MSI2: variants seen among roughly 807,000 people sequenced by gnomAD.
MSI2 encodes the protein musashi RNA binding protein 2.
A neutral mutation model predicts 45.6 loss-of-function variants in MSI2; 17 were observed. The ratio of observed to expected loss-of-function variants is 0.37; its 90% confidence interval spans 0.26 to 0.56. The LOEUF (loss-of-function observed/expected upper bound fraction) is 0.56, where lower values mean the gene tolerates loss of function less well. MSI2 is among the 20% of genes least tolerant of loss of function. MSI2 has a pLI of 0.77. For synonymous variants in MSI2, 156 were observed against 158.2 expected, an observed-to-expected ratio of 0.99 and a Z score of 0.11; for missense variants, 293 against 444.2, an observed-to-expected ratio of 0.66 and a Z score of 3.06.
chr17:57,452,275 C>T (rs1321592769), intron 6 of MSI2, among the ~76,000 whole-genome samples: 1 of 152,250 alleles, frequency 6.6e-6, no homozygotes, highest in Admixed American at 6.5e-5. Flanking sequence ...TCTTCTCCAC[C>T]AGGAGAGCAG....
At chr17:57,316,123 G>A (rs1912829543) in intron 5 of MSI2, among the ~76,000 whole-genome samples, 1 of 151,960 alleles carries the variant, frequency 6.6e-6, no homozygotes, top group African/African-American at 2.4e-5. Flanking sequence ...AATACAACCA[G>A]GTGCCCTCTT....
At chr17:57,315,373 G>A (rs1367616572) in intron 5 of MSI2, among the ~76,000 whole-genome samples, 1 of 151,944 alleles carries the variant, frequency 6.6e-6, no homozygotes, top group African/African-American at 2.4e-5. Context: ...AAGGACCACA[G>A]ACGTGGGGCA....
chr17:57,281,487 C>T (rs761546602), intron 5 of MSI2, among the ~76,000 whole-genome samples: 7 of 152,116 alleles, frequency 4.6e-5, no homozygotes, highest in Admixed American at 2.0e-4. Context: ...TCTCCAGATC[C>T]CTTCCAGCAA....
intron 5 of MSI2, among the ~76,000 whole-genome samples, chr17:57,312,117 C>T (rs1335448726): frequency 6.6e-6 from 1 of 152,220 alleles, no homozygotes; most frequent in Non-Finnish European, 1.5e-5. Context: ...AGCCATCAAC[C>T]AGGATATTGC....
At chr17:57,531,040 G>A (rs138010102) in intron 7 of MSI2, among the ~76,000 whole-genome samples, 1 of 152,222 alleles carries the variant, frequency 6.6e-6, no homozygotes, top group Admixed American at 6.5e-5. Flanking sequence ...TGGAATGATC[G>A]ATTTTGTCCA....
chr17:57,633,046 G>T (rs186133928), intron 10 of MSI2: 1 of 1,041,952 alleles, frequency 9.6e-7, no homozygotes, highest in African/African-American at 1.7e-5. Context: ...GTCCTAGTAT[G>T]CTTGCCTCAC....
In MSI2 at chr17:57,682,620, A is replaced by C. The variant is rs201154481; in HGVS notation, c.*3103A>C. 2.8e-5 allele frequency: 6 copies of C among 212,706 alleles called. No individual in the cohort carries two copies. In the East Asian group the frequency reaches 4.3e-4, roughly 15 times the overall value. 13.2% of individuals were successfully genotyped at this position (212,706 alleles called of 1,614,324 possible). ...GTTTAAGGTTCACGTTAGTCCCCCC[A>C]TTCCATCTAGAAGTCCATTTTGAAA... On this transcript the variant is annotated 3_prime_UTR_variant, in exon 14 of 14. Coordinates refer to ENST00000284073, the MANE Select transcript of MSI2 (RefSeq NM_138962.4).
At chr17:57,661,936 A>G (rs1426101605) in intron 11 of MSI2, among the ~76,000 whole-genome samples, 1 of 152,108 alleles carries the variant, frequency 6.6e-6, no homozygotes, top group African/African-American at 2.4e-5. Flanking sequence ...GCTCTCCTGA[A>G]TGAAAGGTGA....
At chr17:57,544,185 G>T (rs932522151) in intron 7 of MSI2, among the ~76,000 whole-genome samples, 1 of 152,160 alleles carries the variant, frequency 6.6e-6, no homozygotes, top group Non-Finnish European at 1.5e-5. Context: ...CCCTCGGTTG[G>T]TTTCAGAAAG....
intron 5 of MSI2, 62 bp downstream of exon 5, chr17:57,262,254 T>A: frequency 6.4e-7 from 1 of 1,562,996 alleles, no homozygotes; most frequent in Non-Finnish European, 8.8e-7. Flanking sequence ...GAATTTCAAA[T>A]TTCAAACAGC....
intron 7 of MSI2, among the ~76,000 whole-genome samples, chr17:57,581,604 G>T (rs537029184): frequency 6.6e-6 from 1 of 152,248 alleles, no homozygotes; most frequent in East Asian, 1.9e-4. Context: ...TCGCTGTCTC[G>T]TGAGTTTCTC....
intron 11 of MSI2, among the ~76,000 whole-genome samples, chr17:57,654,921 T>G (rs977051047): frequency 8.0e-5 from 12 of 150,920 alleles, no homozygotes; most frequent in Non-Finnish European, 1.2e-4. Context: ...TTGGGTTTTT[T>G]TTTTTTTTTT....
At chr17:57,410,617 A>C (rs950575472) in intron 6 of MSI2, among the ~76,000 whole-genome samples, 4 of 152,038 alleles carry the variant, frequency 2.6e-5, no homozygotes, top group Non-Finnish European at 4.4e-5. Flanking sequence ...AAGAAAACCC[A>C]GCAGAGTGGT....
chr17:57,676,342 A>G (rs1206983306), intron 12 of MSI2, among the ~76,000 whole-genome samples: 5 of 152,196 alleles, frequency 3.3e-5, no homozygotes, highest in Non-Finnish European at 7.3e-5. Flanking sequence ...GTCCTTGTTC[A>G]GCTCCGCTCC....
chr17:57,658,097 G>A lies in MSI2; in HGVS notation c.790+5936G>A, dbSNP rs1035296689. On this transcript the variant is annotated intron_variant, in intron 11 of 13. Transcript: ENST00000284073. ...AGCAAGATCTGATGGGGGGCGGAGCGGGGGATGCAGTGCCTCCATCTCTGC... is the reference window on the plus strand; with the variant it reads ...AGCAAGATCTGATGGGGGGCGGAGCAGGGGATGCAGTGCCTCCATCTCTGC... Among the ~76,000 whole-genome samples the A allele has an allele frequency of 8.5e-5, 13 of 152,302 alleles. No individual in the cohort carries two copies. The South Asian group carries it at 1.0e-3, about 12-fold the overall frequency.
rs3059122 is a variant in MSI2, at chr17:57,581,004, C to CTTTTTTTTTTTTTTTTTTTTTTTTT, written c.455-15862_455-15838dup. ...CATGCCAGCCCCATGAGGTCAGCAT[C>CTTTTTTTTTTTTTTTTTTTTTTTTT]TTTTTTTTTTTTTTTTTTTTTTTTT... On this transcript the variant is annotated intron_variant, in intron 7 of 13. Coordinates refer to ENST00000284073, the MANE Select transcript of MSI2 (RefSeq NM_138962.4). Among the ~76,000 whole-genome samples, 2 of 66,502 alleles carry CTTTTTTTTTTTTTTTTTTTTTTTTT rather than the reference C, an allele frequency of 3.0e-5. 1 individual carries two copies. Among genetic ancestry groups the CTTTTTTTTTTTTTTTTTTTTTTTTT allele is most frequent in the Non-Finnish European group, 5.4e-5 (2 of 37,200 alleles). 43.6% of individuals were successfully genotyped at this position (66,502 alleles called of 152,430 possible). A position where few individuals can be genotyped will look rare whatever the true frequency, so the allele number is the denominator to read the frequency against.
chr17:57,434,537 A>G (rs1299071128), intron 6 of MSI2, among the ~76,000 whole-genome samples: 4 of 152,160 alleles, frequency 2.6e-5, no homozygotes, highest in South Asian at 2.1e-4. Flanking sequence ...AAACCCTTTG[A>G]CCAACATCTC....
chr17:57,640,692 T>A (rs1411355225), intron 10 of MSI2, among the ~76,000 whole-genome samples: 1 of 152,176 alleles, frequency 6.6e-6, no homozygotes, highest in African/African-American at 2.4e-5. Context: ...GAGATGGGAT[T>A]TTAACCACCG....
chr17:57,650,489 G>A lies in MSI2; in HGVS notation c.728-1610G>A, dbSNP rs190659969. Among the ~76,000 whole-genome samples the A allele has an allele frequency of 2.1e-4, 32 of 152,206 alleles. 1 individual carries two copies. The highest frequency in any genetic ancestry group is 6.7e-4 in the African/African-American group (28 of 41,530). On this transcript the variant is annotated intron_variant, in intron 10 of 13. Coordinates refer to ENST00000284073, the MANE Select transcript of MSI2 (RefSeq NM_138962.4). The stretch of plus-strand genomic sequence containing the variant: ...GAAGAAATGGGGAGAGGACTTGGTT[G>A]GGGGTCCCTCCCTTGGTCTCCCTCT...
Sources: gnomAD v4.1 joint callset for allele counts (sites outside exome capture counted in the v4.1 genomes callset) on GRCh38, gnomAD v4.1.1 for gene constraint, MANE v1.5 for transcripts, NCBI Gene and HGNC (gene_info 2026-07-23, HGNC 2026-07-21) for gene names.